Variants in PDZRN4 observed in about 807,000 individuals in gnomAD.
PDZRN4 encodes PDZ domain containing ring finger 4, also known as PDZ domain-containing RING finger protein 4.
Under a neutral mutation model 99.0 loss-of-function variants are expected in PDZRN4, and 70 were observed. That is an observed-to-expected ratio of 0.71 (90% CI 0.58 to 0.86). PDZRN4 has a LOEUF of 0.86. Among genes scored for constraint, PDZRN4 ranks in the 40% least tolerant of loss-of-function variants. The probability of loss-of-function intolerance (pLI) is 0.00; values close to 1 mark genes in which losing one functional copy is unlikely to be tolerated. For synonymous variants in PDZRN4, 551 were observed against 501.6 expected, an observed-to-expected ratio of 1.10 and a Z score of -1.32; for missense variants, 1,474 against 1,331.2, an observed-to-expected ratio of 1.11 and a Z score of -1.67.
chr12:41,274,350 G>T (rs1951336004), intron 3 of PDZRN4, among the ~76,000 whole-genome samples: 1 of 152,054 alleles, frequency 6.6e-6, no homozygotes, highest in Non-Finnish European at 1.5e-5. Flanking sequence ...AATTTAAATA[G>T]ATATGGCACA....
In PDZRN4 at chr12:41,572,933, G is replaced by C; in HGVS notation, c.2154G>C (p.Arg718Ser). The C allele has an allele frequency of 1.2e-6, 2 of 1,614,056 alleles. No individual in the cohort carries two copies. Among genetic ancestry groups the C allele is most frequent in the Non-Finnish European group, 1.7e-6 (2 of 1,180,010 alleles). Residue 718 changes from arginine (R) to serine (S), a missense_variant, in exon 10 of 10, where the codon AGG (arginine) becomes AGC (serine). Arg to Ser is a moderately radical substitution (Grantham distance 110, BLOSUM62 -1). Coordinates refer to ENST00000402685, the MANE Select transcript of PDZRN4 (RefSeq NM_001164595.2). ...ATAACACCAGCATAGATATGCAAAG[G>C]GGAAAGCTAGATGACATCATGGAGC... ...RNYNTSIDMQ[R>S]GKLDDIMEHP...
chr12:41,476,781 C>A (rs940370844), intron 3 of PDZRN4, among the ~76,000 whole-genome samples: 1 of 152,220 alleles, frequency 6.6e-6, no homozygotes, highest in Admixed American at 6.5e-5. Flanking sequence ...CCCATGCCTG[C>A]CTGGCGGCCT....
intron 5 of PDZRN4, among the ~76,000 whole-genome samples, chr12:41,532,910 A>G (rs1020435428): frequency 7.9e-5 from 12 of 152,168 alleles, no homozygotes; most frequent in African/African-American, 2.9e-4. Context: ...AGATTAATTC[A>G]TGCTTGAAAA....
At chr12:41,528,720 TAAC>T in intron 5 of PDZRN4, among the ~76,000 whole-genome samples, 1 of 152,288 alleles carries the variant, frequency 6.6e-6, no homozygotes, top group South Asian at 2.1e-4. Flanking sequence ...AGAAAGAAAA[TAAC>T]AGTTCTTTGA....
chr12:41,382,424 C>G (rs537976548), intron 3 of PDZRN4, among the ~76,000 whole-genome samples: 1 of 152,184 alleles, frequency 6.6e-6, no homozygotes, highest in African/African-American at 2.4e-5. Context: ...TGAAGTTCAT[C>G]AAGCTTTTCT....
At chr12:41,570,601 A>G (rs1311117906) in intron 9 of PDZRN4, among the ~76,000 whole-genome samples, 1 of 152,178 alleles carries the variant, frequency 6.6e-6, no homozygotes, top group Non-Finnish European at 1.5e-5. Flanking sequence ...AAAAATTACT[A>G]GTCTTCTTGT....
At position 41,506,565 on chromosome 12, in the gene PDZRN4, G is replaced by T. The variant is rs772614890; in HGVS notation, c.953G>T (p.Arg318Ile). The T allele has an allele frequency of 5.6e-6, 9 of 1,613,738 alleles. No individual in the cohort carries two copies. Among genetic ancestry groups the T allele is most frequent in the Non-Finnish European group, 7.6e-6 (9 of 1,179,878 alleles). ...GTGTTAAGGCGAACACCTCTTAGTA[G>T]ACCAGCCTATGGGATGGCTTCAGAA... ...VQVLRRTPLSRPAYGMASEVQ... is the reference protein window; with the variant it reads ...VQVLRRTPLSIPAYGMASEVQ... Residue 318 changes from arginine (R) to isoleucine (I), a missense_variant, in exon 4 of 10, where the codon AGA (arginine) becomes ATA (isoleucine). Coordinates refer to ENST00000402685, the MANE Select transcript of PDZRN4 (RefSeq NM_001164595.2).
chr12:41,461,974 G>A (rs547777589), intron 3 of PDZRN4, among the ~76,000 whole-genome samples: 1 of 152,138 alleles, frequency 6.6e-6, no homozygotes, highest in African/African-American at 2.4e-5. Context: ...TGTGACTCAT[G>A]TTCACATTTA....
intron 3 of PDZRN4, among the ~76,000 whole-genome samples, chr12:41,277,247 A>G (rs1354254564): frequency 6.6e-6 from 1 of 152,182 alleles, no homozygotes; most frequent in Non-Finnish European, 1.5e-5. Context: ...CAAGCATCTG[A>G]ACTTGGGTAC....
At chr12:41,514,599 T>C (rs77952536) in intron 5 of PDZRN4, among the ~76,000 whole-genome samples, 15,174 of 152,058 alleles carry the variant, frequency 0.1, 1,916 homozygotes, top group African/African-American at 0.28. Flanking sequence ...CTTATCATTG[T>C]ATCACATGGT....
At chr12:41,543,834 G>T (rs1224073125) in intron 5 of PDZRN4, among the ~76,000 whole-genome samples, 1 of 152,052 alleles carries the variant, frequency 6.6e-6, no homozygotes. Flanking sequence ...CCTCATTTTT[G>T]AAATGATCAC....
intron 3 of PDZRN4, among the ~76,000 whole-genome samples, chr12:41,244,753 C>T (rs1487723189): frequency 1.5e-4 from 22 of 149,980 alleles, no homozygotes; most frequent in Non-Finnish European, 3.0e-5. Flanking sequence ...GGCGCAATCT[C>T]GGCTCACTGC....
At chr12:41,193,180 T>C (rs1333879744) in intron 2 of PDZRN4, among the ~76,000 whole-genome samples, 2 of 152,238 alleles carry the variant, frequency 1.3e-5, no homozygotes, top group East Asian at 3.9e-4. Context: ...CTTTTCATCA[T>C]AGCATTTTCG....
intron 7 of PDZRN4, among the ~76,000 whole-genome samples, chr12:41,556,097 T>C (rs1442575286): frequency 1.3e-5 from 2 of 152,206 alleles, no homozygotes; most frequent in Non-Finnish European, 2.9e-5. Flanking sequence ...AACCTATTGT[T>C]GTTGTGAATG....
chr12:41,292,855 T>G (rs899661486), intron 3 of PDZRN4, among the ~76,000 whole-genome samples: 1 of 151,998 alleles, frequency 6.6e-6, no homozygotes, highest in Non-Finnish European at 1.5e-5. Context: ...TTGACAAAAT[T>G]GGCTAAGGGT....
chr12:41,388,195 T>C (rs12319238), intron 3 of PDZRN4, among the ~76,000 whole-genome samples: 1,812 of 152,170 alleles, frequency 0.012, 41 homozygotes, highest in African/African-American at 0.042. Context: ...CCACATGTAA[T>C]GATGAGACCA....
intron 5 of PDZRN4, among the ~76,000 whole-genome samples, chr12:41,516,219 C>T (rs1371756885): frequency 6.6e-6 from 1 of 152,046 alleles, no homozygotes; most frequent in East Asian, 1.9e-4. Context: ...ATGCCCCAGG[C>T]TATAGTCATT....
At chr12:41,528,334 G>C (rs1938604726) in intron 5 of PDZRN4, among the ~76,000 whole-genome samples, 1 of 152,196 alleles carries the variant, frequency 6.6e-6, no homozygotes, top group Non-Finnish European at 1.5e-5. Flanking sequence ...GAAAGTCTCA[G>C]AGGACCCTCC....
intron 3 of PDZRN4, among the ~76,000 whole-genome samples, chr12:41,289,937 G>A (rs1951446774): frequency 1.3e-5 from 2 of 152,186 alleles, no homozygotes; most frequent in Non-Finnish European, 2.9e-5. Flanking sequence ...ACTGCATAGT[G>A]GATCTCCAGT....
Sources: allele counts gnomAD v4.1 joint callset (sites outside exome capture counted in the v4.1 genomes callset), GRCh38; gene constraint gnomAD v4.1.1; transcripts MANE v1.5; gene names NCBI Gene and HGNC (gene_info 2026-07-23, HGNC 2026-07-21).